PCM1: variants seen among roughly 807,000 people sequenced by gnomAD.
PCM1 encodes the protein pericentriolar material 1.
A neutral mutation model predicts 241.9 loss-of-function variants in PCM1; 157 were observed. That is an observed-to-expected ratio of 0.65 (90% CI 0.57 to 0.74). The LOEUF is 0.74. Ranked by LOEUF, PCM1 falls within the 30% of genes least tolerant of loss-of-function variation. The pLI, the probability that PCM1 is intolerant of heterozygous loss-of-function variation, is 0.00. For synonymous variants in PCM1, 1,085 were observed against 784.9 expected, an observed-to-expected ratio of 1.38 and a Z score of -6.39; for missense variants, 3,478 against 2,360.1, an observed-to-expected ratio of 1.47 and a Z score of -9.81.
At chr8:18,016,220 C>G (rs905861207) in intron 36 of PCM1, among the ~76,000 whole-genome samples, 1 of 152,040 alleles carries the variant, frequency 6.6e-6, no homozygotes, top group Non-Finnish European at 1.5e-5. Context: ...ATCCAGAGGT[C>G]GAACTAGATG....
intron 23 of PCM1, among the ~76,000 whole-genome samples, chr8:17,976,475 C>G (rs1050446725): frequency 6.6e-6 from 1 of 152,164 alleles, no homozygotes; most frequent in Non-Finnish European, 1.5e-5. Context: ...CAGAAGCATC[C>G]TGGGGCAAGA....
chr8:17,949,930 TAAG>T (rs1368643379), intron 7 of PCM1, among the ~76,000 whole-genome samples: 2 of 152,134 alleles, frequency 1.3e-5, no homozygotes, highest in African/African-American at 2.4e-5. Flanking sequence ...TTTTTTAAAT[TAAG>T]AAGATAAAAA....
chr8:17,981,717 T>G (rs2080885026), intron 24 of PCM1, among the ~76,000 whole-genome samples: 1 of 152,214 alleles, frequency 6.6e-6, no homozygotes, highest in Admixed American at 6.5e-5. Context: ...CTCATAATGC[T>G]GAGTTGGTTT....
chr8:17,983,311 G>A, intron 24 of PCM1: 1 of 1,312,024 alleles, frequency 7.6e-7, no homozygotes, highest in Non-Finnish European at 1.0e-6. Flanking sequence ...CGTAGTTTTG[G>A]TGTCCACTTT....
In PCM1 at chr8:17,935,593, T is replaced by G. The variant is rs764661052; in HGVS notation, c.-18T>G. On this transcript the variant is annotated 5_prime_UTR_variant, in exon 3 of 39. Coordinates refer to ENST00000325083, the MANE Select transcript of PCM1 (RefSeq NM_006197.4). ...AGTTCTTAACTTGTTTCGCAGAGAG[T>G]TAATTGTTAAATCCAGTATGGCCAC... The G allele has an allele frequency of 2.6e-5, 30 of 1,140,304 alleles. 1 individual carries two copies. In the South Asian group the frequency reaches 3.6e-4, roughly 14 times the overall value. The allele number at this position is 1,140,304 out of a possible 1,614,324, so 70.6% of individuals were successfully genotyped here.
At chr8:17,997,759 C>T (rs2087440556) in intron 29 of PCM1, among the ~76,000 whole-genome samples, 2 of 151,806 alleles carry the variant, frequency 1.3e-5, no homozygotes, top group South Asian at 4.2e-4. Context: ...GGTGCTATGG[C>T]TCACACCTGT....
chr8:17,962,173 A>G lies in PCM1; in HGVS notation c.2462A>G (p.Glu821Gly), dbSNP rs1346321709. ...EPEDSSIVDNELWSEMRRHEM... is the reference protein window; with the variant it reads ...EPEDSSIVDNGLWSEMRRHEM... The stretch of plus-strand genomic sequence containing the variant: ...GAAGATTCTTCAATAGTAGATAATG[A>G]GGTATTGTAAATTGTACTCTCTTGT... Residue 821 changes from glutamate to glycine, a missense_variant and splice_region_variant, in exon 16 of 39, where the codon GAG becomes GGG. Coordinates refer to ENST00000325083, the MANE Select transcript of PCM1 (RefSeq NM_006197.4). The G allele has an allele frequency of 2.5e-6, 4 of 1,599,822 alleles. No homozygotes were observed. The highest frequency in any genetic ancestry group is 3.4e-6 in the Non-Finnish European group (4 of 1,171,686).
At chr8:17,924,226 C>G (rs1020732767) in intron 1 of PCM1, among the ~76,000 whole-genome samples, 2 of 152,134 alleles carry the variant, frequency 1.3e-5, no homozygotes, top group African/African-American at 4.8e-5. Context: ...TGGTGAGGAC[C>G]CCTGAACACC....
At position 18,022,477 on chromosome 8, in the gene PCM1, A is replaced by G. The variant is rs145703629; in HGVS notation, c.5842-2884A>G. Among the ~76,000 whole-genome samples, 5 of 152,242 alleles carry G rather than the reference A, an allele frequency of 3.3e-5. No homozygotes were observed. In the East Asian group the frequency reaches 9.7e-4, roughly 29 times the overall value. ...GGAATCACAACTAATACCGAAATCT[A>G]CTCCCACACACACTTGGGTGAGCAA... On this transcript the variant is annotated intron_variant, in intron 36 of 38. Transcript: ENST00000325083.
Position 18,014,812 on chromosome 8 carries a change from C to G in PCM1, c.5813C>G (p.Thr1938Ser). The G allele has an allele frequency of 6.2e-7, 1 of 1,602,942 alleles. No homozygotes were observed. The highest frequency in any genetic ancestry group is 8.5e-7 in the Non-Finnish European group (1 of 1,177,698). Residue 1938 changes from threonine (T) to serine (S), a missense_variant, in exon 36 of 39, where the codon ACT (threonine) becomes AGT (serine). Coordinates refer to ENST00000325083, the MANE Select transcript of PCM1 (RefSeq NM_006197.4). Reference protein sequence around the residue: ...PESSLAGSPDTESPVLVNDYE... With the variant: ...PESSLAGSPDSESPVLVNDYE... The stretch of plus-strand genomic sequence containing the variant: ...AGCTCTCTGGCTGGAAGTCCTGATA[C>G]TGAATCTCCAGTGTTAGTGAATGAC...
chr8:18,005,945 A>C (rs1051505910), intron 29 of PCM1: 8 of 203,820 alleles, frequency 3.9e-5, no homozygotes, highest in African/African-American at 1.4e-4. Context: ...AGATTGGCAA[A>C]ATGGAAACTA....
intron 8 of PCM1, among the ~76,000 whole-genome samples, chr8:17,950,959 T>C (rs551365403): frequency 2.0e-5 from 3 of 152,314 alleles, no homozygotes; most frequent in Non-Finnish European, 4.4e-5. Flanking sequence ...ATCACTAAAT[T>C]AGAGGAGAGT....
Position 17,937,186 on chromosome 8 carries a change from A to G in PCM1, c.149A>G (p.Lys50Arg). 1 of 1,592,706 alleles carries G rather than the reference A, an allele frequency of 6.3e-7. No individual in the cohort carries two copies. The highest frequency in any genetic ancestry group is 2.3e-5 in the East Asian group (1 of 44,356). Residue 50 changes from lysine (K) to arginine (R), a missense_variant, in exon 4 of 39, where the codon AAA becomes AGA. Physicochemically the swap from Lys to Arg is conservative, Grantham distance 26. Coordinates refer to ENST00000325083, the MANE Select transcript of PCM1 (RefSeq NM_006197.4). The stretch of plus-strand genomic sequence containing the variant: ...AATAGATCATCAGAAAAGAATAAGA[A>G]AAAGTTTGGTGTAGAAAGTGATAAA... ...KANRSSEKNK[K>R]KFGVESDKRV...
chr8:18,010,988 C>T (rs1197971835), intron 32 of PCM1, among the ~76,000 whole-genome samples: 6 of 152,098 alleles, frequency 3.9e-5, no homozygotes. Context: ...AATAAAAAGC[C>T]TACAAATAAT....
intron 21 of PCM1, among the ~76,000 whole-genome samples, chr8:17,967,920 AG>A (rs1320043685): frequency 2.6e-5 from 4 of 152,162 alleles, no homozygotes; most frequent in Admixed American, 2.0e-4. Flanking sequence ...TGGGATCTAA[AG>A]ATGAGTGACA....
At position 18,009,697 on chromosome 8, in the gene PCM1, A is replaced by G. The variant is rs374020138; in HGVS notation, c.5113A>G (p.Lys1705Glu). The G allele has an allele frequency of 3.2e-5, 49 of 1,518,242 alleles. No individual in the cohort carries two copies. Among genetic ancestry groups the G allele is most frequent in the African/African-American group, 4.2e-5 (3 of 71,822 alleles). 94.0% of individuals were successfully genotyped at this position (1,518,242 alleles called of 1,614,324 possible). The change falls in exon 31 of 39, where the codon AAA (lysine) becomes GAA (glutamate). Residue 1705 changes from lysine to glutamate, a missense_variant. Transcript: ENST00000325083. ...TAGTATAACTGTTAAACAGAGATGC[A>G]AAAGGAAAATAGAAGCAACTGGAGT... Reference protein sequence around the residue: ...NNSITVKQRCKRKIEATGVIQ... With the variant: ...NNSITVKQRCERKIEATGVIQ...
At chr8:17,947,610 G>A (rs778851618) in intron 7 of PCM1, among the ~76,000 whole-genome samples, 3 of 152,164 alleles carry the variant, frequency 2.0e-5, no homozygotes, top group Non-Finnish European at 2.9e-5. Flanking sequence ...GTACCCTTAA[G>A]AGGTAAAAGA....
chr8:17,945,107 G>A (rs934469624), intron 6 of PCM1, among the ~76,000 whole-genome samples: 8 of 151,892 alleles, frequency 5.3e-5, no homozygotes, highest in Non-Finnish European at 7.4e-5. Context: ...ACATTTTACC[G>A]TTGACTTTGA....
chr8:17,978,045 G>C (rs993637004), intron 23 of PCM1, among the ~76,000 whole-genome samples: 9 of 151,954 alleles, frequency 5.9e-5, no homozygotes, highest in African/African-American at 2.2e-4. Flanking sequence ...AAATACACTT[G>C]AACAAAATAA....
Sources: allele counts gnomAD v4.1 joint callset (sites outside exome capture counted in the v4.1 genomes callset), GRCh38; gene constraint gnomAD v4.1.1; transcripts MANE v1.5; gene names NCBI Gene and HGNC (gene_info 2026-07-23, HGNC 2026-07-21).